Variants in SPOCK3 observed in about 807,000 individuals in gnomAD.
The protein encoded by SPOCK3 is SPARC (osteonectin), cwcv and kazal like domains proteoglycan 3.
Under a neutral mutation model 56.6 loss-of-function variants are expected in SPOCK3, and 30 were observed. The observed-to-expected ratio is 0.53, with a 90% CI of 0.40 to 0.72. The LOEUF (loss-of-function observed/expected upper bound fraction) is 0.72. Ranked by LOEUF, SPOCK3 falls within the 30% of genes least tolerant of loss-of-function variation. SPOCK3 has a pLI of 0.00. For missense variants in SPOCK3, 527 were observed against 530.0 expected, an observed-to-expected ratio of 0.99 and a Z score of 0.06; for synonymous variants, 196 against 183.3, an observed-to-expected ratio of 1.07 and a Z score of -0.56.
At chr4:167,002,552 T>C (rs1749048998) in intron 3 of SPOCK3, among the ~76,000 whole-genome samples, 1 of 152,196 alleles carries the variant, frequency 6.6e-6, no homozygotes. Flanking sequence ...TTAGATTAAT[T>C]ATAGCTTTCC....
intron 7 of SPOCK3, among the ~76,000 whole-genome samples, chr4:166,766,356 CA>C (rs1276350220): frequency 6.6e-6 from 1 of 152,094 alleles, no homozygotes. Flanking sequence ...TTTTGAGATA[CA>C]TCCCATCAAT....
At chr4:166,768,260 GT>G (rs1738411023) in intron 7 of SPOCK3, among the ~76,000 whole-genome samples, 1 of 152,198 alleles carries the variant, frequency 6.6e-6, no homozygotes, top group Admixed American at 6.5e-5. Context: ...TTGCTCGTTA[GT>G]TGATGCAGTT....
chr4:166,949,844 A>C (rs535907291), intron 4 of SPOCK3, among the ~76,000 whole-genome samples: 9 of 152,162 alleles, frequency 5.9e-5, no homozygotes, highest in Admixed American at 2.6e-4. Flanking sequence ...TAAGCTTCAA[A>C]AGTGAAGGAG....
At chr4:167,066,346 C>A (rs1052603736) in intron 2 of SPOCK3, among the ~76,000 whole-genome samples, 1 of 151,600 alleles carries the variant, frequency 6.6e-6, no homozygotes, top group East Asian at 1.9e-4. Context: ...CATGAGATAC[C>A]GGTGGGGATA....
chr4:167,177,373 A>C (rs544250028), intron 2 of SPOCK3, among the ~76,000 whole-genome samples: 1 of 152,208 alleles, frequency 6.6e-6, no homozygotes, highest in African/African-American at 2.4e-5. Flanking sequence ...CTTATAAGGA[A>C]GATGCCACTA....
chr4:166,900,897 T>C (rs1735979125), intron 5 of SPOCK3, among the ~76,000 whole-genome samples: 1 of 152,180 alleles, frequency 6.6e-6, no homozygotes, highest in African/African-American at 2.4e-5. Flanking sequence ...CCTTCAACTC[T>C]GAAATAAATA....
intron 3 of SPOCK3, among the ~76,000 whole-genome samples, chr4:167,060,964 A>G (rs1755543374): frequency 1.3e-5 from 2 of 152,080 alleles, no homozygotes; most frequent in South Asian, 2.1e-4. Flanking sequence ...CATTCTTCAT[A>G]AACATTAGCT....
At chr4:167,087,792 A>G (rs1391091282) in intron 2 of SPOCK3, among the ~76,000 whole-genome samples, 1 of 152,206 alleles carries the variant, frequency 6.6e-6, no homozygotes, top group African/African-American at 2.4e-5. Flanking sequence ...AAAATGGACT[A>G]TCAGGATAGA....
chr4:166,931,290 A>T (rs1349690976), intron 4 of SPOCK3, among the ~76,000 whole-genome samples: 2 of 134,700 alleles, frequency 1.5e-5, no homozygotes, highest in Non-Finnish European at 3.1e-5. Context: ...CCCAGAGGCA[A>T]TTTTCTATAT....
intron 2 of SPOCK3, among the ~76,000 whole-genome samples, chr4:167,111,184 G>A (rs2150347280): frequency 6.6e-6 from 1 of 151,950 alleles, no homozygotes; most frequent in Non-Finnish European, 1.5e-5. Context: ...ATTATTAAAT[G>A]AGGAAAAAAA....
At chr4:167,052,761 AGC>A (rs1754356667) in intron 3 of SPOCK3, among the ~76,000 whole-genome samples, 1 of 152,218 alleles carries the variant, frequency 6.6e-6, no homozygotes, top group South Asian at 2.1e-4. Flanking sequence ...GTCATCTGAA[AGC>A]ATAAAAAATA....
At chr4:167,069,561 A>T (rs1360346232) in intron 2 of SPOCK3, among the ~76,000 whole-genome samples, 1 of 151,878 alleles carries the variant, frequency 6.6e-6, no homozygotes, top group African/African-American at 2.4e-5. Context: ...ACTAGATGGA[A>T]GGTCTCCAGG....
chr4:167,042,147 G>T (rs976243668), intron 3 of SPOCK3, among the ~76,000 whole-genome samples: 1 of 152,102 alleles, frequency 6.6e-6, no homozygotes, highest in Admixed American at 6.6e-5. Flanking sequence ...CACTGGCAGA[G>T]AATTGATTCC....
intron 2 of SPOCK3, among the ~76,000 whole-genome samples, chr4:167,207,388 ACTGT>A (rs1034054492): frequency 2.0e-4 from 31 of 152,162 alleles, no homozygotes; most frequent in Admixed American, 9.8e-4. Context: ...TTAACAGAAT[ACTGT>A]CTAACTTTCT....
At chr4:166,923,755 T>C (rs1156341950) in intron 4 of SPOCK3, among the ~76,000 whole-genome samples, 1 of 152,230 alleles carries the variant, frequency 6.6e-6, no homozygotes, top group Non-Finnish European at 1.5e-5. Context: ...AAAAGGTATT[T>C]AAATTCATCT....
intron 6 of SPOCK3, among the ~76,000 whole-genome samples, chr4:166,866,705 T>G (rs2126930045): frequency 6.6e-6 from 1 of 152,212 alleles, no homozygotes; most frequent in South Asian, 2.1e-4. Flanking sequence ...GGTTGACAAC[T>G]TTTATGAAAA....
chr4:166,833,852 A>G (rs1350554918), intron 6 of SPOCK3, among the ~76,000 whole-genome samples: 2 of 152,090 alleles, frequency 1.3e-5, no homozygotes, highest in East Asian at 3.9e-4. Flanking sequence ...GTTTGGGCAC[A>G]TGTCATGTCA....
intron 6 of SPOCK3, among the ~76,000 whole-genome samples, chr4:166,795,980 G>A (rs899910532): frequency 1.3e-5 from 2 of 152,122 alleles, no homozygotes; most frequent in African/African-American, 2.4e-5. Flanking sequence ...AAGGCTTCAC[G>A]ATTGGCATTA....
intron 3 of SPOCK3, among the ~76,000 whole-genome samples, chr4:167,010,054 G>A (rs1056765621): frequency 1.3e-5 from 2 of 151,958 alleles, no homozygotes; most frequent in African/African-American, 4.8e-5. Context: ...TGCTGAAACT[G>A]CAAAGAAATA....
Sources: allele counts gnomAD v4.1 joint callset (sites outside exome capture counted in the v4.1 genomes callset), GRCh38; gene constraint gnomAD v4.1.1; transcripts MANE v1.5; gene names NCBI Gene and HGNC (gene_info 2026-07-23, HGNC 2026-07-21).